Variants in STAG1 observed in about 807,000 individuals in gnomAD.
The protein encoded by STAG1 is STAG1 cohesin complex component.
STAG1 carries 26 observed loss-of-function variants against 170.9 expected under a neutral mutation model. The ratio of observed to expected loss-of-function variants is 0.15; its 90% CI spans 0.11 to 0.21. The LOEUF is 0.21. Ranked by LOEUF, STAG1 falls within the 10% of genes least tolerant of loss-of-function variation. The probability of loss-of-function intolerance (pLI) is 1.00; values close to 1 mark genes in which losing one functional copy is unlikely to be tolerated. For synonymous variants in STAG1, 514 were observed against 497.7 expected, an observed-to-expected ratio of 1.03 and a Z score of -0.44; for missense variants, 964 against 1,509.5, an observed-to-expected ratio of 0.64 and a Z score of 5.99.
chr3:136,340,268 A>G (rs939909058), intron 32 of STAG1, among the ~76,000 whole-genome samples: 2 of 152,056 alleles, frequency 1.3e-5, no homozygotes, highest in African/African-American at 4.8e-5. Context: ...GATTACGGGC[A>G]CGTGCCACCA....
At chr3:136,351,004 C>CA (rs1936413827) in intron 28 of STAG1, among the ~76,000 whole-genome samples, 1 of 152,140 alleles carries the variant, frequency 6.6e-6, no homozygotes, top group African/African-American at 2.4e-5. Flanking sequence ...CTGTTGTCAT[C>CA]ATCTTACAAC....
chr3:136,500,202 A>C (rs756413999), intron 9 of STAG1, 21 bp downstream of exon 9: 3 of 1,468,634 alleles, frequency 2.0e-6, no homozygotes, highest in Middle Eastern at 1.8e-4. Context: ...AGCCTTCAAA[A>C]TTATTTTTAA....
At chr3:136,594,861 C>G (rs554190866) in intron 4 of STAG1, among the ~76,000 whole-genome samples, 5 of 152,272 alleles carry the variant, frequency 3.3e-5, no homozygotes, top group African/African-American at 1.2e-4. Flanking sequence ...GCCTTGACTT[C>G]CCGGGCTCAG....
intron 1 of STAG1, among the ~76,000 whole-genome samples, chr3:136,698,212 C>T (rs1942954998): frequency 6.6e-6 from 1 of 152,064 alleles, no homozygotes; most frequent in African/African-American, 2.4e-5. Context: ...AATCAGCAAA[C>T]AGGCAACCTA....
At chr3:136,586,405 A>C (rs1057400270) in intron 4 of STAG1, among the ~76,000 whole-genome samples, 3 of 152,232 alleles carry the variant, frequency 2.0e-5, no homozygotes, top group South Asian at 2.1e-4. Flanking sequence ...AAGGGACTTA[A>C]TATTATCTAA....
chr3:136,518,534 C>T, intron 7 of STAG1: 1 of 609,626 alleles, frequency 1.6e-6, no homozygotes, highest in Admixed American at 2.5e-5. Context: ...AATTGTTGTC[C>T]AGCCTGGAAT....
At chr3:136,610,808 G>T (rs2107815797) in intron 3 of STAG1, among the ~76,000 whole-genome samples, 1 of 152,268 alleles carries the variant, frequency 6.6e-6, no homozygotes, top group Non-Finnish European at 1.5e-5. Context: ...AATGCTTGGT[G>T]TTGTGTATGC....
At chr3:136,733,442 G>A (rs189658831) in intron 1 of STAG1, among the ~76,000 whole-genome samples, 3 of 152,144 alleles carry the variant, frequency 2.0e-5, no homozygotes, top group Admixed American at 6.6e-5. Context: ...TTTTACTTTT[G>A]TATTTGCACT....
chr3:136,615,293 GAAATACAATA>G (rs1939527936), intron 3 of STAG1, among the ~76,000 whole-genome samples: 1 of 151,862 alleles, frequency 6.6e-6, no homozygotes, highest in South Asian at 2.1e-4. Context: ...TGTGAACAGG[GAAATACAATA>G]AAATATTAGG....
intron 21 of STAG1, among the ~76,000 whole-genome samples, chr3:136,401,184 G>A (rs995459997): frequency 5.9e-5 from 9 of 152,186 alleles, no homozygotes; most frequent in East Asian, 3.9e-4. Context: ...CCTGGAAACC[G>A]CCCATGGGTT....
At chr3:136,573,576 TATTTC>T (rs1937345315) in intron 4 of STAG1, among the ~76,000 whole-genome samples, 1 of 151,324 alleles carries the variant, frequency 6.6e-6, no homozygotes, top group South Asian at 2.1e-4. Flanking sequence ...CCAAAAAAAA[TATTTC>T]AAATAAAGGC....
intron 7 of STAG1, among the ~76,000 whole-genome samples, chr3:136,503,557 C>T (rs1178599080): frequency 6.6e-6 from 1 of 152,032 alleles, no homozygotes; most frequent in Non-Finnish European, 1.5e-5. Flanking sequence ...AGGAACAAGA[C>T]AGTTTGAGCT....
intron 4 of STAG1, among the ~76,000 whole-genome samples, chr3:136,603,662 A>G (rs998758236): frequency 6.6e-6 from 1 of 152,190 alleles, no homozygotes; most frequent in South Asian, 2.1e-4. Context: ...AGGCAGGTGG[A>G]TCACGAGGTC....
chr3:136,402,119 A>G (rs1487509197), intron 21 of STAG1, among the ~76,000 whole-genome samples: 1 of 152,218 alleles, frequency 6.6e-6, no homozygotes, highest in African/African-American at 2.4e-5. Context: ...ACAAACCATA[A>G]AGGTAAACAT....
At chr3:136,535,456 A>ATCCT (rs1935573073) in intron 6 of STAG1, among the ~76,000 whole-genome samples, 1 of 152,244 alleles carries the variant, frequency 6.6e-6, no homozygotes, top group African/African-American at 2.4e-5. Context: ...TGAGGACAGG[A>ATCCT]GTTCAAGACC....
chr3:136,478,378 G>T (rs1053749511), intron 9 of STAG1, among the ~76,000 whole-genome samples: 4 of 152,048 alleles, frequency 2.6e-5, no homozygotes, highest in African/African-American at 9.7e-5. Flanking sequence ...TACAATCTCT[G>T]TGAATTGTAA....
chr3:136,583,570 C>T (rs1443802523), intron 4 of STAG1, among the ~76,000 whole-genome samples: 1 of 152,222 alleles, frequency 6.6e-6, no homozygotes, highest in Non-Finnish European at 1.5e-5. Context: ...GGGTGGATCA[C>T]CTAAGGTCAG....
rs150499884 is a variant in STAG1 at position 136,349,336 on chromosome 3, G to A, written c.3093C>T (p.Thr1031=). The A allele has an allele frequency of 2.4e-4, 394 of 1,613,624 alleles. No individual in the cohort carries two copies. The highest frequency in any genetic ancestry group is 3.1e-4 in the Non-Finnish European group (360 of 1,179,748). ...CCTCCCTCCTTTCCATCATCTGCTC[G>A]GTAAGGAATTTCTCTAGGTATGAAT... ...TVHSYLEKFL[T]EQMMERREDV... is the part of the protein sequence containing the mutation. Residue 1031 remains threonine (T), a synonymous_variant, in exon 29 of 34, where the codon ACC becomes ACT. Transcript: ENST00000383202.
At chr3:136,412,765 G>A (rs544992033) in intron 21 of STAG1, among the ~76,000 whole-genome samples, 4 of 151,220 alleles carry the variant, frequency 2.6e-5, no homozygotes, top group Non-Finnish European at 5.9e-5. Flanking sequence ...GGTTAAAGGA[G>A]ACAAAAACAA....
Sources: gnomAD v4.1 joint callset for allele counts (sites outside exome capture counted in the v4.1 genomes callset) on GRCh38, gnomAD v4.1.1 for gene constraint, MANE v1.5 for transcripts, NCBI Gene and HGNC (gene_info 2026-07-23, HGNC 2026-07-21) for gene names.